The following HMGXB3 variants were observed in gnomAD, a reference collection of about 807,000 sequenced individuals.
HMGXB3 encodes HMG domain-containing protein 3.
In HMGXB3, 45 loss-of-function variants were observed where a neutral mutation model predicts 121.5. That is an observed-to-expected ratio of 0.37 (90% confidence interval 0.29 to 0.47). HMGXB3 has a LOEUF of 0.47. Ranked by LOEUF, HMGXB3 falls within the 20% of genes least tolerant of loss-of-function variation. The pLI is 0.99. For missense variants in HMGXB3, 1,376 were observed against 1,602.2 expected (o/e 0.86, Z 2.41); for synonymous variants, 590 against 624.1 (o/e 0.95, Z 0.81).
chr5:150,034,615 C>A (rs556178554), intron 11 of HMGXB3, among the ~76,000 whole-genome samples: 49 of 152,214 alleles, frequency 3.2e-4, no homozygotes, highest in African/African-American at 1.1e-3. Context: ...AACTGCCCAC[C>A]CCCAGGACCC....
intron 5 of HMGXB3, among the ~76,000 whole-genome samples, chr5:150,013,953 T>G (rs1053771331): frequency 2.0e-5 from 3 of 152,234 alleles, no homozygotes; most frequent in African/African-American, 7.2e-5. Flanking sequence ...CTCTCCAGCT[T>G]TCCAGTGACA....
rs773116625 is a variant in HMGXB3, at chr5:150,052,301, C to T, written c.*109C>T. 1.2e-6 allele frequency: 1 copy of T among 866,690 alleles called. No homozygotes were observed. The highest frequency in any genetic ancestry group is 1.8e-6 in the Non-Finnish European group (1 of 570,782). 53.7% of individuals were successfully genotyped at this position (866,690 alleles called of 1,614,324 possible). ...AGAAGTGGTCTCCTGTGGGGAGGGC[C>T]TCTGACTGCTGGGACTGACCAAAGA... is the stretch of plus-strand genomic sequence containing the variant. On this transcript the variant is annotated 3_prime_UTR_variant, in exon 20 of 20. Transcript: ENST00000502717.
intron 5 of HMGXB3, among the ~76,000 whole-genome samples, chr5:150,016,340 C>CAA (rs34992392): frequency 2.4e-4 from 22 of 92,566 alleles, no homozygotes; most frequent in Non-Finnish European, 3.2e-4. Context: ...GACTCTGTCT[C>CAA]AAAAAAAAAA....
At chr5:150,043,861 T>C (rs1444693841) in intron 15 of HMGXB3, among the ~76,000 whole-genome samples, 2 of 152,254 alleles carry the variant, frequency 1.3e-5, no homozygotes, top group African/African-American at 4.8e-5. Context: ...AGCCGCTGAC[T>C]GTGGAGTCTG....
chr5:150,028,429 T>C (rs951169047), intron 9 of HMGXB3, among the ~76,000 whole-genome samples: 1 of 146,154 alleles, frequency 6.8e-6, no homozygotes, highest in African/African-American at 2.5e-5. Flanking sequence ...TATATGTATA[T>C]ATATATATGT....
At position 150,017,436 on chromosome 5, in the gene HMGXB3, A is replaced by G. The variant is rs1755982838; in HGVS notation, c.910-1130A>G. Among the ~76,000 whole-genome samples the G allele has an allele frequency of 2.0e-5, 3 of 152,326 alleles. No homozygotes were observed. The South Asian group carries it at 6.2e-4, about 32-fold the overall frequency. ...CTCACTTTCTCAGCAAGACACGCCT[A>G]TAAAATAGGAAGAACAGGCGATTTT... On this transcript the variant is annotated intron_variant, in intron 5 of 19. Coordinates refer to ENST00000502717, the MANE Select transcript of HMGXB3 (RefSeq NM_014983.3).
chr5:150,039,795 G>A (rs1756584210), intron 13 of HMGXB3, among the ~76,000 whole-genome samples: 1 of 152,194 alleles, frequency 6.6e-6, no homozygotes, highest in Admixed American at 6.5e-5. Context: ...TGGGACCAGA[G>A]CTTTGCTCTC....
At chr5:150,006,687 C>G in intron 3 of HMGXB3, 40 bp downstream of exon 3, 1 of 1,526,316 alleles carries the variant, frequency 6.6e-7, no homozygotes, top group Non-Finnish European at 8.9e-7. Context: ...TCCACTGGTT[C>G]AGTGATGAAG....
At chr5:150,022,906 G>A (rs1279527365) in intron 6 of HMGXB3, among the ~76,000 whole-genome samples, 2 of 151,184 alleles carry the variant, frequency 1.3e-5, no homozygotes, top group African/African-American at 4.9e-5. Context: ...AGCCTCCTGG[G>A]GTCAAGTGAT....
intron 18 of HMGXB3, among the ~76,000 whole-genome samples, chr5:150,049,137 G>A (rs2113763861): frequency 6.6e-6 from 1 of 152,226 alleles, no homozygotes; most frequent in East Asian, 1.9e-4. Context: ...CAGGGAAGGA[G>A]TGTCACAGCC....
Position 150,024,623 on chromosome 5 carries a change from C to T in HMGXB3, c.1403C>T (p.Thr468Ile). The change falls in exon 7 of 20, where the codon ACA becomes ATA. Residue 468 changes from threonine (T) to isoleucine (I), a missense_variant. This residue lies in a region of HMGXB3 where 1,116 missense variants were observed against 1,369.0 expected (regional missense o/e 0.82). Transcript: ENST00000502717. Reference protein sequence around the residue: ...DNDSPGADVPTPSEGTSTSSP... With the variant: ...DNDSPGADVPIPSEGTSTSSP... ...GACAGTCCTGGAGCAGACGTACCAA[C>T]ACCATCCGAGGGGACAAGTACCTCC... 1.9e-6 allele frequency: 3 copies of T among 1,551,786 alleles called. No homozygotes were observed. The highest frequency in any genetic ancestry group is 2.4e-5 in the East Asian group (1 of 40,922).
At chr5:150,031,935 A>T (rs1256845878) in intron 10 of HMGXB3, among the ~76,000 whole-genome samples, 2 of 151,636 alleles carry the variant, frequency 1.3e-5, no homozygotes, top group Non-Finnish European at 2.9e-5. Flanking sequence ...CCATGCCTTC[A>T]CTCACCACTC....
chr5:150,050,420 A>G lies in HMGXB3; in HGVS notation c.3370A>G (p.Arg1124Gly). ...YPELTNQMWG[R>G]NQGCFSSPTE... is the part of the protein sequence containing the mutation. The stretch of plus-strand genomic sequence containing the variant: ...AGAGCTGACTAACCAGATGTGGGGG[A>G]GGAACCAGGGCTGTTTCTCTAGCCC... Residue 1124 changes from arginine to glycine, a missense_variant, in exon 19 of 20, where the codon AGG (arginine) becomes GGG (glycine). Arg to Gly is a moderately radical substitution (Grantham distance 125). This residue lies in a region of HMGXB3 where 260 missense variants were observed against 233.2 expected (regional missense o/e 1.11). Coordinates refer to ENST00000502717, the MANE Select transcript of HMGXB3 (RefSeq NM_014983.3). 2 of 1,551,588 alleles carry G rather than the reference A, an allele frequency of 1.3e-6. No homozygotes were observed. The highest frequency in any genetic ancestry group is 1.7e-6 in the Non-Finnish European group (2 of 1,146,936).
In HMGXB3 at chr5:150,004,923, C is replaced by T; in HGVS notation, c.71C>T (p.Thr24Ile). The change falls in exon 2 of 20, where the codon ACC becomes ATC. Residue 24 changes from threonine (T) to isoleucine (I), a missense_variant. Transcript: ENST00000502717. ...GAAATTGAGGAAGCCTATTGTTACACCTCTCCTGGGCCACCCAAGAAGAAG... is the reference window on the plus strand; with the variant it reads ...GAAATTGAGGAAGCCTATTGTTACATCTCTCCTGGGCCACCCAAGAAGAAG... ...MEEIEEAYCY[T>I]SPGPPKKKKK... The T allele has an allele frequency of 6.4e-7, 1 of 1,551,782 alleles. No homozygotes were observed. The highest frequency in any genetic ancestry group is 8.7e-7 in the Non-Finnish European group (1 of 1,146,940).
rs11957517 is a variant in HMGXB3, at chr5:150,001,006, G to T, written c.-176G>T. On this transcript the variant is annotated 5_prime_UTR_variant, in exon 1 of 20. Transcript: ENST00000502717. ...GGGCCGCGGGGCCGGGGCTCCTTCA[G>T]CCCCCGGGATGCGCGCGCGAGCCCT... 1.3e-5 allele frequency: 2 copies of T among 154,150 alleles called. No homozygotes were observed. Among genetic ancestry groups the T allele is most frequent in the Non-Finnish European group, 2.9e-5 (2 of 68,204 alleles). 9.5% of individuals were successfully genotyped at this position (154,150 alleles called of 1,614,324 possible).
At chr5:150,017,925 A>G (rs778023066) in intron 5 of HMGXB3, among the ~76,000 whole-genome samples, 3 of 152,198 alleles carry the variant, frequency 2.0e-5, no homozygotes, top group African/African-American at 4.8e-5. Context: ...GTGGCTATAT[A>G]TATTAATATG....
chr5:150,030,991 G>C (rs1440280238), intron 10 of HMGXB3, among the ~76,000 whole-genome samples, 152 bp downstream of exon 10: 1 of 152,156 alleles, frequency 6.6e-6, no homozygotes, highest in Non-Finnish European at 1.5e-5. Flanking sequence ...TCCCATCCCT[G>C]ATGCAAATAA....
rs1403478074 is a variant in HMGXB3 at position 150,036,901 on chromosome 5, T to G, written c.2249T>G (p.Leu750Arg). 2 of 1,551,666 alleles carry G rather than the reference T, an allele frequency of 1.3e-6. No homozygotes were observed. The highest frequency in any genetic ancestry group is 1.7e-6 in the Non-Finnish European group (2 of 1,146,976). Residue 750 changes from leucine (L) to arginine (R), a missense_variant, in exon 12 of 20, where the codon CTT (leucine) becomes CGT (arginine). By Grantham distance (102) the Leu-to-Arg change is moderately radical. Around this residue, in one of 2 missense-constraint regions of HMGXB3, gnomAD observed 1,116 missense variants for 1,369.0 expected, o/e 0.82. Transcript: ENST00000502717. ...NYYESPSTQC[L>R]LCSSPLFKGG... Reference sequence around the variant, plus strand: ...TATGAGTCTCCGTCCACGCAGTGCCTTCTCTGTAGCAGCCCATTATTCAAA... The same window carrying G: ...TATGAGTCTCCGTCCACGCAGTGCCGTCTCTGTAGCAGCCCATTATTCAAA...
In HMGXB3 at chr5:150,052,440, G is replaced by A. The variant is rs959860814; in HGVS notation, c.*248G>A. 9.5e-5 allele frequency: 48 copies of A among 505,262 alleles called. No homozygotes were observed. Among genetic ancestry groups the A allele is most frequent in the Middle Eastern group, 1.0e-3 (2 of 1,922 alleles). The allele number at this position is 505,262 out of a possible 1,614,324, so 31.3% of individuals were successfully genotyped here. A position where few individuals can be genotyped will look rare whatever the true frequency, so the allele number is the denominator to read the frequency against. ...CCCCGAGAGAGCACTTGGGGGACACGGTATGTTTAATGGAGGGGAGGCTGA... is the reference window on the plus strand; with the variant it reads ...CCCCGAGAGAGCACTTGGGGGACACAGTATGTTTAATGGAGGGGAGGCTGA... On this transcript the variant is annotated 3_prime_UTR_variant, in exon 20 of 20. Transcript: ENST00000502717.
Sources: allele counts gnomAD v4.1 joint callset (sites outside exome capture counted in the v4.1 genomes callset), GRCh38; gene constraint gnomAD v4.1.1; regional missense constraint gnomAD v4.1.1; transcripts MANE v1.5; gene names NCBI Gene and HGNC (gene_info 2026-07-23, HGNC 2026-07-21).